Variants in CLIP1 observed in about 807,000 individuals in gnomAD.
CLIP1 encodes CAP-Gly domain-containing linker protein 1.
Under a neutral mutation model 161.6 loss-of-function variants are expected in CLIP1, and 66 were observed. That is an observed-to-expected ratio of 0.41 (90% CI 0.33 to 0.50). CLIP1 has a LOEUF of 0.50. Ranked by LOEUF, CLIP1 falls within the 20% of genes least tolerant of loss-of-function variation. The probability of loss-of-function intolerance (pLI) is 0.27; values close to 1 mark genes in which losing one functional copy is unlikely to be tolerated. For missense variants in CLIP1, 1,376 were observed against 1,702.0 expected (o/e 0.81, Z 3.37); for synonymous variants, 598 against 626.2 (o/e 0.96, Z 0.67).
In CLIP1 at chr12:122,356,902, G is replaced by A. The variant is rs1387070866; in HGVS notation, c.1006-1590C>T. Among the ~76,000 whole-genome samples, 6 of 152,366 alleles carry A rather than the reference G, an allele frequency of 3.9e-5. No individual in the cohort carries two copies. The East Asian group carries it at 1.2e-3, about 29-fold the overall frequency. On this transcript the variant is annotated intron_variant, in intron 5 of 25. Transcript: ENST00000620786. ...TGATCCGCCAGCCTCGGCCTCCCGA[G>A]GTGCCGAGATTGCAGACGGAGTCTG...
chr12:122,341,021 A>C lies in CLIP1; in HGVS notation c.2183T>G (p.Met728Arg). 6.2e-7 allele frequency: 1 copy of C among 1,613,920 alleles called. No homozygotes were observed. Among genetic ancestry groups the C allele is most frequent in the Non-Finnish European group, 8.5e-7 (1 of 1,180,004 alleles). ...CTGTAATTTGTTTAACGTGTCTTCC[A>C]TTTCTACGAGATGCTGGTCTTCTGC... ...DKAEDQHLVEMEDTLNKLQEA... is the reference protein window; with the variant it reads ...DKAEDQHLVEREDTLNKLQEA... The change falls in exon 11 of 26, where the codon ATG (methionine) becomes AGG (arginine). Residue 728 changes from methionine (M) to arginine (R), a missense_variant. Met to Arg is a moderately conservative substitution (Grantham distance 91, BLOSUM62 -1). Transcript: ENST00000620786.
intron 1 of CLIP1, among the ~76,000 whole-genome samples, chr12:122,385,150 C>A (rs1212682928): frequency 6.6e-6 from 1 of 151,974 alleles, no homozygotes; most frequent in Non-Finnish European, 1.5e-5. Context: ...CCAGGATGGT[C>A]TCAATCTCTT....
At chr12:122,409,882 T>A (rs527960766) in intron 1 of CLIP1, among the ~76,000 whole-genome samples, 54 of 151,172 alleles carry the variant, frequency 3.6e-4, no homozygotes, top group African/African-American at 1.3e-3. Flanking sequence ...TTATTTTTTT[T>A]TTTTTTGAGA....
chr12:122,335,085 C>T (rs184624179), intron 12 of CLIP1, among the ~76,000 whole-genome samples: 4 of 152,268 alleles, frequency 2.6e-5, no homozygotes, highest in Non-Finnish European at 4.4e-5. Context: ...AAATGGTGAA[C>T]AAAGCTCTGA....
At chr12:122,389,978 G>A (rs995075814) in intron 1 of CLIP1, among the ~76,000 whole-genome samples, 2 of 148,494 alleles carry the variant, frequency 1.3e-5, no homozygotes, top group Admixed American at 6.8e-5. Context: ...AAAAGTGTGT[G>A]GCACTTCCTC....
At chr12:122,397,553 CAAAAAAAAA>C (rs35589479) in intron 1 of CLIP1, among the ~76,000 whole-genome samples, 2 of 66,858 alleles carry the variant, frequency 3.0e-5, no homozygotes, top group African/African-American at 6.3e-5. Context: ...ACTCCATCTC[CAAAAAAAAA>C]AAAAAAAAAA....
intron 4 of CLIP1, among the ~76,000 whole-genome samples, chr12:122,361,742 G>C (rs1318412349): frequency 6.6e-6 from 1 of 152,062 alleles, no homozygotes; most frequent in Non-Finnish European, 1.5e-5. Context: ...GGTGCAGGAG[G>C]CTCTCTTGAG....
intron 15 of CLIP1, among the ~76,000 whole-genome samples, chr12:122,331,029 T>C (rs1951939275): frequency 6.6e-6 from 1 of 151,860 alleles, no homozygotes; most frequent in Non-Finnish European, 1.5e-5. Flanking sequence ...TTATTTTTTT[T>C]TTGAGACGGA....
At position 122,333,098 on chromosome 12, in the gene CLIP1, A is replaced by T; in HGVS notation, c.2756T>A (p.Leu919Gln). Residue 919 changes from leucine (L) to glutamine (Q), a missense_variant, in exon 15 of 26, where the codon CTG becomes CAG. Physicochemically the swap from Leu to Gln is moderately radical, Grantham distance 113. Coordinates refer to ENST00000620786, the MANE Select transcript of CLIP1 (RefSeq NM_001247997.2). Reference sequence around the variant, plus strand: ...TTCCAGTTTTTCCTTTGCCTTTATCAGCTGCTCTTCTCTCTCATCTTTCTC... The same window carrying T: ...TTCCAGTTTTTCCTTTGCCTTTATCTGCTGCTCTTCTCTCTCATCTTTCTC... ...FREKDEREEQ[L>Q]IKAKEKLEND... 6.2e-7 allele frequency: 1 copy of T among 1,613,544 alleles called. No individual in the cohort carries two copies. The highest frequency in any genetic ancestry group is 8.5e-7 in the Non-Finnish European group (1 of 1,179,658).
At chr12:122,365,210 A>G in intron 3 of CLIP1, 1 of 466,790 alleles carries the variant, frequency 2.1e-6, no homozygotes, top group Non-Finnish European at 3.7e-6. Context: ...CAATGTGCAC[A>G]TGTACCCTAA....
chr12:122,316,695 C>G, intron 19 of CLIP1, 54 bp downstream of exon 19: 1 of 1,101,714 alleles, frequency 9.1e-7, no homozygotes, highest in Non-Finnish European at 1.3e-6. Context: ...ATTGTGTTCA[C>G]ATTTTCAATT....
intron 19 of CLIP1, among the ~76,000 whole-genome samples, chr12:122,310,090 C>G (rs1220784324): frequency 6.6e-6 from 1 of 152,180 alleles, no homozygotes; most frequent in East Asian, 1.9e-4. Flanking sequence ...ACAATTATTA[C>G]ATTTTTCAGA....
chr12:122,408,056 C>T (rs1300693491), intron 1 of CLIP1, among the ~76,000 whole-genome samples: 1 of 151,658 alleles, frequency 6.6e-6, no homozygotes, highest in Non-Finnish European at 1.5e-5. Flanking sequence ...ACTAACATGG[C>T]GAAACCCCAT....
intron 1 of CLIP1, among the ~76,000 whole-genome samples, chr12:122,383,297 G>A (rs989291141): frequency 6.6e-6 from 1 of 152,164 alleles, no homozygotes; most frequent in Non-Finnish European, 1.5e-5. Flanking sequence ...ACACAACAGG[G>A]AGCTGTTGGG....
rs755054299 is a variant in CLIP1, at chr12:122,355,104, C to G, written c.1203+11G>C. ...ACCATCACCATCTCCGCAACAAGGT[C>G]CAGACTTCACCTGGTCATGTCCGTC... is the stretch of plus-strand genomic sequence containing the variant. On this transcript the variant is annotated intron_variant, in intron 6 of 25. Coordinates refer to ENST00000620786, the MANE Select transcript of CLIP1 (RefSeq NM_001247997.2). The surrounding 1 kb of genome is among the most constrained non-coding windows in gnomAD (Gnocchi z 4.1). The G allele has an allele frequency of 1.9e-6, 3 of 1,612,950 alleles. No individual in the cohort carries two copies. In the Admixed American group the frequency reaches 5.0e-5, roughly 27 times the overall value.
chr12:122,293,549 G>C (rs967624988), intron 20 of CLIP1, among the ~76,000 whole-genome samples: 2 of 151,940 alleles, frequency 1.3e-5, no homozygotes, highest in Non-Finnish European at 2.9e-5. Flanking sequence ...CGCAATCTCG[G>C]CTCACTGCAA....
intron 20 of CLIP1, among the ~76,000 whole-genome samples, chr12:122,294,328 CA>C (rs59785886): frequency 0.018 from 1,537 of 84,066 alleles, 12 homozygotes; most frequent in African/African-American, 0.076. Context: ...GACTCTGTCT[CA>C]AAAAAAAAAA....
chr12:122,391,763 G>A (rs897941747), intron 1 of CLIP1, among the ~76,000 whole-genome samples: 4 of 152,030 alleles, frequency 2.6e-5, no homozygotes, highest in South Asian at 2.1e-4. Flanking sequence ...TATTTAGCGC[G>A]TTAGATACTG....
chr12:122,407,569 C>T (rs368622053), intron 1 of CLIP1, among the ~76,000 whole-genome samples: 3 of 151,616 alleles, frequency 2.0e-5, no homozygotes, highest in South Asian at 4.2e-4. Flanking sequence ...GGTATGGTGT[C>T]GCGTGCCTGC....
Sources: gnomAD v4.1 joint callset for allele counts (sites outside exome capture counted in the v4.1 genomes callset) on GRCh38, gnomAD v4.1.1 for gene constraint, Gnocchi (gnomAD v3.1) non-coding constraint, MANE v1.5 for transcripts, NCBI Gene and HGNC (gene_info 2026-07-23, HGNC 2026-07-21) for gene names.